Variants in SEPSECS observed in about 807,000 individuals in gnomAD.
The protein encoded by SEPSECS is Sep (O-phosphoserine) tRNA:Sec (selenocysteine) tRNA synthase.
SEPSECS carries 42 observed loss-of-function variants against 52.1 expected under a neutral mutation model. That is an observed-to-expected ratio of 0.81 (90% CI 0.63 to 1.04). SEPSECS has a LOEUF of 1.04. Among genes scored for constraint, SEPSECS ranks in the 50% least tolerant of loss-of-function variants. The pLI is 0.00. For missense variants in SEPSECS, 590 were observed against 610.6 expected (o/e 0.97, Z 0.36); for synonymous variants, 216 against 211.4 (o/e 1.02, Z -0.19).
At chr4:25,151,933 C>A in intron 6 of SEPSECS, 27 bp downstream of exon 6, 1 of 1,171,024 alleles carries the variant, frequency 8.5e-7, no homozygotes, top group Non-Finnish European at 1.3e-6. Context: ...TTTTCCTTGA[C>A]ATACATATCA....
intron 6 of SEPSECS, among the ~76,000 whole-genome samples, chr4:25,149,817 T>C (rs1276165084): frequency 6.6e-6 from 1 of 152,194 alleles, no homozygotes; most frequent in Non-Finnish European, 1.5e-5. Context: ...ACAAATTAGA[T>C]ATAACCTAGT....
intron 5 of SEPSECS, among the ~76,000 whole-genome samples, chr4:25,153,489 T>C (rs1712434189): frequency 6.6e-6 from 1 of 152,032 alleles, no homozygotes; most frequent in African/African-American, 2.4e-5. Flanking sequence ...ATTTTTCATA[T>C]GTATCAAATT....
At chr4:25,136,850 C>T (rs1728862152) in intron 8 of SEPSECS, among the ~76,000 whole-genome samples, 1 of 152,146 alleles carries the variant, frequency 6.6e-6, no homozygotes. Flanking sequence ...CAGCATGGTA[C>T]TGGTACAAAA....
rs569398709 is a variant in SEPSECS, at chr4:25,124,956, G to A, written c.1212-731C>T. ...CAACCTAAACACACAGACAAATAGTGGCAATACTAAAAGCAATGTCAAGAA... is the reference window on the plus strand; with the variant it reads ...CAACCTAAACACACAGACAAATAGTAGCAATACTAAAAGCAATGTCAAGAA... On this transcript the variant is annotated intron_variant, in intron 10 of 10. Coordinates refer to ENST00000382103, the MANE Select transcript of SEPSECS (RefSeq NM_016955.4). Among the ~76,000 whole-genome samples, 7 of 151,702 alleles carry A rather than the reference G, an allele frequency of 4.6e-5. No individual in the cohort carries two copies. The East Asian group carries it at 1.2e-3, about 25-fold the overall frequency.
At chr4:25,135,933 A>C (rs1326406388) in intron 8 of SEPSECS, among the ~76,000 whole-genome samples, 1 of 152,232 alleles carries the variant, frequency 6.6e-6, no homozygotes, top group Non-Finnish European at 1.5e-5. Context: ...CATCAGATAA[A>C]GAGAACTAAA....
intron 6 of SEPSECS, among the ~76,000 whole-genome samples, chr4:25,147,863 T>A (rs1425785086): frequency 1.3e-5 from 2 of 152,226 alleles, no homozygotes; most frequent in African/African-American, 4.8e-5. Flanking sequence ...AAGAAAAGAC[T>A]TACAGTATTA....
rs1728071641 is a variant in SEPSECS, at chr4:25,120,372, G to A, written c.*3559C>T. ...TGCGCACATACCAAAAGGGCAAAAGGAAAGTAAAAAGTAAGGCACAAAAGG... is the reference window on the plus strand; with the variant it reads ...TGCGCACATACCAAAAGGGCAAAAGAAAAGTAAAAAGTAAGGCACAAAAGG... On this transcript the variant is annotated 3_prime_UTR_variant, in exon 11 of 11. Transcript: ENST00000382103. 1 of 152,110 alleles carries A rather than the reference G, an allele frequency of 6.6e-6. No individual in the cohort carries two copies. The highest frequency in any genetic ancestry group is 1.5e-5 in the Non-Finnish European group (1 of 67,992). 9.4% of individuals were successfully genotyped at this position (152,110 alleles called of 1,614,324 possible). A position where few individuals can be genotyped will look rare whatever the true frequency, so the allele number is the denominator to read the frequency against.
chr4:25,136,513 T>C (rs1261151781), intron 8 of SEPSECS, among the ~76,000 whole-genome samples: 2 of 152,042 alleles, frequency 1.3e-5, no homozygotes, highest in Admixed American at 1.3e-4. Context: ...ACTAGGGAAG[T>C]GAAGGAACTC....
chr4:25,160,450 G>T (rs990035012), upstream of SEPSECS: 3 of 1,181,906 alleles, frequency 2.5e-6, no homozygotes, highest in African/African-American at 3.1e-5. Flanking sequence ...AATGCAACTC[G>T]CCGCCTGGAC....
At chr4:25,155,749 A>G (rs899646977) in intron 4 of SEPSECS, among the ~76,000 whole-genome samples, 1 of 152,190 alleles carries the variant, frequency 6.6e-6, no homozygotes, top group African/African-American at 2.4e-5. Flanking sequence ...TTTTGCATAA[A>G]AATTGTTTTC....
intron 5 of SEPSECS, among the ~76,000 whole-genome samples, chr4:25,153,072 C>T (rs945563728): frequency 6.6e-6 from 1 of 151,534 alleles, no homozygotes; most frequent in Non-Finnish European, 1.5e-5. Context: ...TTTTTTTTGT[C>T]CAGTTTGCCT....
In SEPSECS at chr4:25,151,070, G is replaced by A. The variant is rs1461677698; in HGVS notation, c.804+890C>T. On this transcript the variant is annotated intron_variant, in intron 6 of 10. Coordinates refer to ENST00000382103, the MANE Select transcript of SEPSECS (RefSeq NM_016955.4). ...TGACATGTATGTCAAAACTGAGTATGTATATTAACATCATTATGCACACAA... is the reference window on the plus strand; with the variant it reads ...TGACATGTATGTCAAAACTGAGTATATATATTAACATCATTATGCACACAA... Among the ~76,000 whole-genome samples, 4 of 152,164 alleles carry A rather than the reference G, an allele frequency of 2.6e-5. No individual in the cohort carries two copies. In the East Asian group the frequency reaches 7.7e-4, roughly 29 times the overall value.
chr4:25,139,234 G>A (rs968254180), intron 8 of SEPSECS, among the ~76,000 whole-genome samples: 4 of 152,056 alleles, frequency 2.6e-5, no homozygotes, highest in African/African-American at 9.7e-5. Context: ...AGTCAGTCTT[G>A]TTTGTGGATT....
At chr4:25,128,831 C>T (rs1170039668) in intron 8 of SEPSECS, among the ~76,000 whole-genome samples, 1 of 151,978 alleles carries the variant, frequency 6.6e-6, no homozygotes, top group Non-Finnish European at 1.5e-5. Flanking sequence ...TGACACTTCC[C>T]CAACCTCAAA....
chr4:25,154,903 T>C, intron 5 of SEPSECS, 95 bp downstream of exon 5: 1 of 1,259,914 alleles, frequency 7.9e-7, no homozygotes, highest in Non-Finnish European at 1.1e-6. Context: ...TTCACCTATT[T>C]ATTGTGAAGT....
intron 2 of SEPSECS, among the ~76,000 whole-genome samples, chr4:25,158,280 G>GA (rs1712810112): frequency 6.6e-6 from 1 of 152,126 alleles, no homozygotes; most frequent in Admixed American, 6.5e-5. Flanking sequence ...CGATGCCCAG[G>GA]AAATTTTCAT....
rs953080043 is a variant in SEPSECS, at chr4:25,138,741, T to C, written c.1026+6033A>G. On this transcript the variant is annotated intron_variant, in intron 8 of 10. Transcript: ENST00000382103. ...ATGTTTCCTCTCCAAGTTTCTGTTA[T>C]ATATACAAGTGACCTATGTGCCCCA... 9.2e-5 allele frequency among the ~76,000 whole-genome samples: 14 copies of C among 152,324 alleles called. No individual in the cohort carries two copies. In the East Asian group the frequency reaches 1.7e-3, roughly 19 times the overall value.
At position 25,151,926 on chromosome 4, in the gene SEPSECS, T is replaced by C. The variant is rs766345918; in HGVS notation, c.804+34A>G. ...CCTATAATATGTTAAAATGAATTTT[T>C]CCTTGACATACATATCATTTTAAAC... On this transcript the variant is annotated intron_variant, in intron 6 of 10. Coordinates refer to ENST00000382103, the MANE Select transcript of SEPSECS (RefSeq NM_016955.4). 5 of 1,102,780 alleles carry C rather than the reference T, an allele frequency of 4.5e-6. No homozygotes were observed. The Admixed American group carries it at 8.4e-5, about 19-fold the overall frequency. The allele number at this position is 1,102,780 out of a possible 1,614,324, so 68.3% of individuals were successfully genotyped here. A position where few individuals can be genotyped will look rare whatever the true frequency, so the allele number is the denominator to read the frequency against.
rs906576188 is a variant in SEPSECS at position 25,123,289 on chromosome 4, T to G, written c.*642A>C. The G allele has an allele frequency of 6.5e-6, 1 of 152,720 alleles. No homozygotes were observed. The highest frequency in any genetic ancestry group is 2.4e-5 in the African/African-American group (1 of 41,402). 9.5% of individuals were successfully genotyped at this position (152,720 alleles called of 1,614,324 possible). A position where few individuals can be genotyped will look rare whatever the true frequency, so the allele number is the denominator to read the frequency against. Reference sequence around the variant, plus strand: ...GCTGGATAATTCTTTGTTGTGGGAGTTGTCCCATGCATTGTAGGATGTTGA... The same window carrying G: ...GCTGGATAATTCTTTGTTGTGGGAGGTGTCCCATGCATTGTAGGATGTTGA... On this transcript the variant is annotated 3_prime_UTR_variant, in exon 11 of 11. Coordinates refer to ENST00000382103, the MANE Select transcript of SEPSECS (RefSeq NM_016955.4).
Sources: gnomAD v4.1 joint callset for allele counts (sites outside exome capture counted in the v4.1 genomes callset) on GRCh38, gnomAD v4.1.1 for gene constraint, MANE v1.5 for transcripts, NCBI Gene and HGNC (gene_info 2026-07-23, HGNC 2026-07-21) for gene names.